Variants in MPI observed in about 807,000 individuals in gnomAD.
MPI encodes mannose-6-phosphate isomerase.
A neutral mutation model predicts 40.1 loss-of-function variants in MPI; 33 were observed. The observed-to-expected ratio is 0.82, with a 90% CI of 0.62 to 1.10. The LOEUF is 1.10. Among genes scored for constraint, MPI ranks in the 50% least tolerant of loss-of-function variants. MPI has a pLI of 0.00. For missense variants in MPI, 514 were observed against 524.1 expected (o/e 0.98, Z 0.19); for synonymous variants, 187 against 207.4 (o/e 0.90, Z 0.85).
intron 6 of MPI, chr15:74,896,706 C>T (rs371738772): frequency 1.3e-5 from 8 of 608,390 alleles, no homozygotes; most frequent in African/African-American, 1.1e-4. Context: ...AAGGATGCCA[C>T]CTTTCGACTG....
rs2064898710 is a variant in MPI at position 74,900,270 on chromosome 15, C to G, written c.*2540C>G. ...CTCACTGCACTGTCCCACCAGGTCC[C>G]TCCAGCTTTTTCTACAAGGTAACAC... On this transcript the variant is annotated 3_prime_UTR_variant, in exon 8 of 8. Transcript: ENST00000352410. 6.6e-6 allele frequency: 1 copy of G among 152,330 alleles called. No homozygotes were observed. Among genetic ancestry groups the G allele is most frequent in the Admixed American group, 6.5e-5 (1 of 15,278 alleles). 9.4% of individuals were successfully genotyped at this position (152,330 alleles called of 1,614,324 possible). A position where few individuals can be genotyped will look rare whatever the true frequency, so the allele number is the denominator to read the frequency against.
rs1034984797 is a variant in MPI, at chr15:74,890,511, C to A, written c.17-16C>A. ...CTGAGGAGTGGAGTGGCAGCTGACC[C>A]TGTCTGTGCCCCTAGTATTCCCACT... On this transcript the variant is annotated splice_polypyrimidine_tract_variant and intron_variant, in intron 1 of 7. Coordinates refer to ENST00000352410, the MANE Select transcript of MPI (RefSeq NM_002435.3). 1.9e-6 allele frequency: 3 copies of A among 1,613,822 alleles called. No homozygotes were observed. Among genetic ancestry groups the A allele is most frequent in the East Asian group, 4.5e-5 (2 of 44,896 alleles).
At position 74,892,768 on chromosome 15, in the gene MPI, C is replaced by T. The variant is rs2064746108; in HGVS notation, c.453C>T (p.Phe151=). 1 of 1,614,152 alleles carries T rather than the reference C, an allele frequency of 6.2e-7. No individual in the cohort carries two copies. Among genetic ancestry groups the T allele is most frequent in the Non-Finnish European group, 8.5e-7 (1 of 1,180,060 alleles). The change falls in exon 4 of 8, where the codon TTC becomes TTT. Residue 151 remains phenylalanine (F), a synonymous_variant. Coordinates refer to ENST00000352410, the MANE Select transcript of MPI (RefSeq NM_002435.3). ...CCCCCTTCCAGGGCTTGTGTGGCTT[C>T]CGGCCAGTTGAGGAGATTGTAACCT... ...ALTPFQGLCG[F]RPVEEIVTFL... is the part of the protein sequence containing the mutation.
In MPI at chr15:74,901,976, C is replaced by A; in HGVS notation, c.*4246C>A. 1 of 397,056 alleles carries A rather than the reference C, an allele frequency of 2.5e-6. No homozygotes were observed. The highest frequency in any genetic ancestry group is 1.4e-4 in the South Asian group (1 of 7,098). 24.6% of individuals were successfully genotyped at this position (397,056 alleles called of 1,614,324 possible). Reference sequence around the variant, plus strand: ...CGGACGGTTGGACCAGTTGGGGATGCCCCAGGTCCAGGGATTCTGGAAGCC... The same window carrying A: ...CGGACGGTTGGACCAGTTGGGGATGACCCAGGTCCAGGGATTCTGGAAGCC... On this transcript the variant is annotated 3_prime_UTR_variant, in exon 8 of 8. Transcript: ENST00000352410.
At chr15:74,891,129 A>T (rs2064719435) in intron 2 of MPI, 7 of 609,066 alleles carry the variant, frequency 1.1e-5, no homozygotes, top group Non-Finnish European at 2.1e-5. Flanking sequence ...CAGACAAAGA[A>T]GATACATCTA....
At chr15:74,896,782 TG>T in intron 6 of MPI, 3 of 636,928 alleles carry the variant, frequency 4.7e-6, no homozygotes, top group Non-Finnish European at 8.5e-6. Flanking sequence ...ACTACAGAGT[TG>T]GGGCTCCCCA....
At position 74,893,389 on chromosome 15, in the gene MPI, T is replaced by C. The variant is rs749190789; in HGVS notation, c.670+69T>C. ...GGGCTTCCCAGCAGACACCAGACTCTGGGGACAGTTCTCAACCCCCTTGCC... is the reference window on the plus strand; with the variant it reads ...GGGCTTCCCAGCAGACACCAGACTCCGGGGACAGTTCTCAACCCCCTTGCC... On this transcript the variant is annotated intron_variant, in intron 5 of 7. Coordinates refer to ENST00000352410, the MANE Select transcript of MPI (RefSeq NM_002435.3). The C allele has an allele frequency of 3.2e-6, 5 of 1,568,674 alleles. No homozygotes were observed. The African/African-American group carries it at 5.4e-5, about 17-fold the overall frequency.
At chr15:74,894,791 A>C (rs1382377576) in intron 5 of MPI, among the ~76,000 whole-genome samples, 1 of 148,988 alleles carries the variant, frequency 6.7e-6, no homozygotes, top group Non-Finnish European at 1.5e-5. Flanking sequence ...CGATTCGGAA[A>C]AAAAAAAAAG....
In MPI at chr15:74,897,943, T is replaced by C; in HGVS notation, c.*213T>C. On this transcript the variant is annotated 3_prime_UTR_variant, in exon 8 of 8. Coordinates refer to ENST00000352410, the MANE Select transcript of MPI (RefSeq NM_002435.3). ...GGGGAGGAGAGGCCCGTGTGAGGGG[T>C]CTGATACTCCCTTTGTCTTCCCTCT... 1.6e-6 allele frequency: 1 copy of C among 630,844 alleles called. No homozygotes were observed. The highest frequency in any genetic ancestry group is 1.7e-5 in the South Asian group (1 of 58,202). 39.1% of individuals were successfully genotyped at this position (630,844 alleles called of 1,614,324 possible).
chr15:74,897,662 G>T lies in MPI; in HGVS notation c.1204G>T (p.Glu402Ter). The T allele has an allele frequency of 6.2e-7, 1 of 1,614,208 alleles. No individual in the cohort carries two copies. Among genetic ancestry groups the T allele is most frequent in the Non-Finnish European group, 8.5e-7 (1 of 1,180,030 alleles). The stretch of plus-strand genomic sequence containing the variant: ...TGGCGTGCTCTTCATTGGGGCCAAT[G>T]AGAGTGTCTCACTGAAGCTTACTGA... ...RGGVLFIGAN[E>*]SVSLKLTEPK... is the part of the protein sequence containing the mutation. The change falls in exon 8 of 8, where the codon GAG becomes TAG. Residue 402 changes from glutamate to a stop codon, truncating the protein, a stop_gained. Transcript: ENST00000352410. LOFTEE classifies it high-confidence loss of function.
In MPI at chr15:74,890,514, T is replaced by C. The variant is rs1000475684; in HGVS notation, c.17-13T>C. On this transcript the variant is annotated splice_polypyrimidine_tract_variant and intron_variant, in intron 1 of 7. Coordinates refer to ENST00000352410, the MANE Select transcript of MPI (RefSeq NM_002435.3). ...AGGAGTGGAGTGGCAGCTGACCCTGTCTGTGCCCCTAGTATTCCCACTTTC... is the reference window on the plus strand; with the variant it reads ...AGGAGTGGAGTGGCAGCTGACCCTGCCTGTGCCCCTAGTATTCCCACTTTC... 1.2e-6 allele frequency: 2 copies of C among 1,613,860 alleles called. No homozygotes were observed. The highest frequency in any genetic ancestry group is 1.3e-5 in the African/African-American group (1 of 74,934).
rs2064746713 is a variant in MPI at position 74,892,793 on chromosome 15, T to G, written c.478T>G (p.Phe160Val). 1 of 1,614,242 alleles carries G rather than the reference T, an allele frequency of 6.2e-7. No homozygotes were observed. Among genetic ancestry groups the G allele is most frequent in the South Asian group, 1.1e-5 (1 of 91,090 alleles). ...CCGGCCAGTTGAGGAGATTGTAACC[T>G]TTCTAAAGAGTAAGTTGGGCAGAAT... ...GFRPVEEIVT[F>V]LKKVPEFQFL... Residue 160 changes from phenylalanine to valine, a missense_variant, in exon 4 of 8, where the codon TTT becomes GTT. Coordinates refer to ENST00000352410, the MANE Select transcript of MPI (RefSeq NM_002435.3).
At position 74,890,624 on chromosome 15, in the gene MPI, C is replaced by T; in HGVS notation, c.114C>T (p.Ala38=). The change falls in exon 2 of 8, where the codon GCC becomes GCT. Residue 38 remains alanine (A), a synonymous_variant. Transcript: ENST00000352410. ...ARLLASSDPL[A]QIAEDKPYAE... is the part of the protein sequence containing the mutation. ...TGTTGGCCAGCAGTGATCCACTGGC[C>T]CAGATCGCAGAGGACAAGCCTTATG... 1 of 1,614,074 alleles carries T rather than the reference C, an allele frequency of 6.2e-7. No homozygotes were observed. The highest frequency in any genetic ancestry group is 2.2e-5 in the East Asian group (1 of 44,882).
At chr15:74,897,378 C>T in intron 7 of MPI, 134 bp from the exon 8 acceptor site, 1 of 1,285,264 alleles carries the variant, frequency 7.8e-7, no homozygotes, top group Middle Eastern at 2.3e-4. Context: ...GGGACCAGGC[C>T]TCTATGCTGA....
At chr15:74,893,427 T>A in intron 5 of MPI, 107 bp downstream of exon 5, 1 of 1,313,224 alleles carries the variant, frequency 7.6e-7, no homozygotes, top group Non-Finnish European at 1.1e-6. Flanking sequence ...AGTGGAACAC[T>A]AAAAGGGGCC....
chr15:74,901,025 A>G lies in MPI; in HGVS notation c.*3295A>G, dbSNP rs2064934436. 1 of 152,376 alleles carries G rather than the reference A, an allele frequency of 6.6e-6. No homozygotes were observed. The highest frequency in any genetic ancestry group is 2.1e-4 in the South Asian group (1 of 4,830). The allele number at this position is 152,376 out of a possible 1,614,324, so 9.4% of individuals were successfully genotyped here. The stretch of plus-strand genomic sequence containing the variant: ...TCTAGTCACCCCTTGTGGTAGAGCG[A>G]AAAGAGTGTGTTGTCCCTCTCATGC... On this transcript the variant is annotated 3_prime_UTR_variant, in exon 8 of 8. Coordinates refer to ENST00000352410, the MANE Select transcript of MPI (RefSeq NM_002435.3).
Position 74,891,419 on chromosome 15 carries a change from T to C in MPI, c.185T>C (p.Leu62Pro). Residue 62 changes from leucine (L) to proline (P), a missense_variant, in exon 3 of 8, where the codon CTT becomes CCT. By Grantham distance (98) the Leu-to-Pro change is moderately conservative. Coordinates refer to ENST00000352410, the MANE Select transcript of MPI (RefSeq NM_002435.3). ...GTHPRGDAKI[L>P]DNRISQKTLS... ...CACCCCCGAGGGGATGCCAAGATCC[T>C]TGACAACCGCATCTCACAGAAGACC... 6.2e-7 allele frequency: 1 copy of C among 1,614,238 alleles called. No homozygotes were observed. The highest frequency in any genetic ancestry group is 8.5e-7 in the Non-Finnish European group (1 of 1,180,042).
intron 1 of MPI, 195 bp downstream of exon 1, chr15:74,890,284 G>A: frequency 2.2e-6 from 2 of 909,642 alleles, no homozygotes; most frequent in Non-Finnish European, 3.5e-6. Flanking sequence ...TCGTGCCGTG[G>A]GATAGGTACC....
At position 74,897,778 on chromosome 15, in the gene MPI, G is replaced by A; in HGVS notation, c.*48G>A. Reference sequence around the variant, plus strand: ...CCTCTGCCAGCCACCCTAAATTCCAGCCAACCTCACCTCCTCGGGCCCAGC... The same window carrying A: ...CCTCTGCCAGCCACCCTAAATTCCAACCAACCTCACCTCCTCGGGCCCAGC... On this transcript the variant is annotated 3_prime_UTR_variant, in exon 8 of 8. Coordinates refer to ENST00000352410, the MANE Select transcript of MPI (RefSeq NM_002435.3). The A allele has an allele frequency of 6.3e-7, 1 of 1,583,222 alleles. No individual in the cohort carries two copies. The highest frequency in any genetic ancestry group is 8.7e-7 in the Non-Finnish European group (1 of 1,153,942).
Sources: allele counts gnomAD v4.1 joint callset (sites outside exome capture counted in the v4.1 genomes callset), GRCh38; gene constraint gnomAD v4.1.1; transcripts MANE v1.5; gene names NCBI Gene and HGNC (gene_info 2026-07-23, HGNC 2026-07-21).